Variants in GRIP1 observed in about 807,000 individuals in gnomAD.
GRIP1 encodes glutamate receptor-interacting protein 1.
In GRIP1, 45 loss-of-function variants were observed where a neutral mutation model predicts 129.9. The observed-to-expected ratio is 0.35, with a 90% CI of 0.27 to 0.44. The LOEUF is 0.44. Among genes scored for constraint, GRIP1 ranks in the 20% least tolerant of loss-of-function variants. The probability of loss-of-function intolerance (pLI) is 1.00; values close to 1 mark genes in which losing one functional copy is unlikely to be tolerated. For synonymous variants in GRIP1, 530 were observed against 520.8 expected (o/e 1.02, Z -0.24); for missense variants, 1,196 against 1,396.8 (o/e 0.86, Z 2.29).
intron 1 of GRIP1, among the ~76,000 whole-genome samples, chr12:66,814,042 A>T (rs1396146618): frequency 6.6e-6 from 1 of 152,170 alleles, no homozygotes; most frequent in Non-Finnish European, 1.5e-5. Context: ...GTGGAGATAC[A>T]GGTTTAAGGG....
chr12:66,366,983 C>T (rs1228620831), intron 23 of GRIP1, among the ~76,000 whole-genome samples: 2 of 152,150 alleles, frequency 1.3e-5, no homozygotes, highest in East Asian at 3.8e-4. Flanking sequence ...TGTGCCCAGC[C>T]TCAATATGAA....
intron 1 of GRIP1, among the ~76,000 whole-genome samples, chr12:67,060,950 C>G (rs1420543147): frequency 2.6e-5 from 4 of 152,042 alleles, no homozygotes; most frequent in Non-Finnish European, 5.9e-5. Context: ...TTGTCAGAAG[C>G]CTGGACTGAA....
intron 1 of GRIP1, among the ~76,000 whole-genome samples, chr12:66,820,687 C>T (rs2039301193): frequency 6.6e-6 from 1 of 151,804 alleles, no homozygotes; most frequent in African/African-American, 2.4e-5. Flanking sequence ...AAAAAATGAG[C>T]TACCAAGCCA....
chr12:67,043,609 C>T (rs976170937), intron 1 of GRIP1, among the ~76,000 whole-genome samples: 1 of 152,114 alleles, frequency 6.6e-6, no homozygotes, highest in Non-Finnish European at 1.5e-5. Flanking sequence ...TTCTTCTACG[C>T]CCCCCATTCT....
chr12:66,655,157 C>G (rs896585715), intron 1 of GRIP1, among the ~76,000 whole-genome samples: 1 of 152,186 alleles, frequency 6.6e-6, no homozygotes, highest in Non-Finnish European at 1.5e-5. Flanking sequence ...TATCCCTCCA[C>G]GTTCCCCCAA....
intron 2 of GRIP1, among the ~76,000 whole-genome samples, chr12:66,545,203 A>C (rs2061911349): frequency 6.6e-6 from 1 of 152,192 alleles, no homozygotes; most frequent in African/African-American, 2.4e-5. Flanking sequence ...TTACAGCTAT[A>C]CCATTACTTA....
At chr12:66,626,483 T>C (rs1214120252) in intron 1 of GRIP1, 2 of 152,240 alleles carry the variant, frequency 1.3e-5, no homozygotes, top group Non-Finnish European at 2.9e-5. Flanking sequence ...AATAGTATAG[T>C]ATTTCTCTAG....
chr12:66,535,246 C>T (rs768087726), intron 4 of GRIP1, among the ~76,000 whole-genome samples: 1 of 151,828 alleles, frequency 6.6e-6, no homozygotes, highest in Non-Finnish European at 1.5e-5. Flanking sequence ...ATTCATATCC[C>T]CAGAGGAATA....
intron 1 of GRIP1, among the ~76,000 whole-genome samples, chr12:66,882,704 T>C (rs2040500052): frequency 6.6e-6 from 1 of 152,212 alleles, no homozygotes; most frequent in African/African-American, 2.4e-5. Flanking sequence ...CCAAATATTA[T>C]AAGCATTAAT....
intron 1 of GRIP1, among the ~76,000 whole-genome samples, chr12:66,607,088 A>G (rs1191654067): frequency 1.3e-5 from 2 of 152,134 alleles, no homozygotes; most frequent in Non-Finnish European, 2.9e-5. Context: ...CATAGTAGCC[A>G]CTACTGTGTA....
intron 1 of GRIP1, among the ~76,000 whole-genome samples, chr12:66,604,633 T>G (rs190513733): frequency 6.6e-6 from 1 of 152,370 alleles, no homozygotes; most frequent in African/African-American, 2.4e-5. Flanking sequence ...TTATGCCAGC[T>G]GACATTTTCA....
intron 13 of GRIP1, among the ~76,000 whole-genome samples, chr12:66,434,019 CCCTT>C (rs1479536978): frequency 6.6e-6 from 1 of 152,180 alleles, no homozygotes; most frequent in East Asian, 1.9e-4. Context: ...AGAGAGGACT[CCCTT>C]CTTTGTTTGG....
intron 7 of GRIP1, among the ~76,000 whole-genome samples, chr12:66,486,410 C>T (rs1650142950): frequency 6.6e-6 from 1 of 152,072 alleles, no homozygotes; most frequent in African/African-American, 2.4e-5. Flanking sequence ...GGCTCTGTGT[C>T]CCCACCCAAA....
At chr12:66,838,204 T>A (rs867112492) in intron 1 of GRIP1, among the ~76,000 whole-genome samples, 5 of 110,112 alleles carry the variant, frequency 4.5e-5, no homozygotes, top group East Asian at 3.4e-4. Context: ...AAAAAAAAAA[T>A]CGAGCAGGAG....
At chr12:66,630,654 G>A (rs1434475945) in intron 1 of GRIP1, among the ~76,000 whole-genome samples, 3 of 152,170 alleles carry the variant, frequency 2.0e-5, no homozygotes, top group African/African-American at 7.2e-5. Context: ...CTGTCTATGA[G>A]GGCATGGACA....
intron 1 of GRIP1, among the ~76,000 whole-genome samples, chr12:66,785,059 C>T (rs564271820): frequency 2.6e-5 from 4 of 152,082 alleles, no homozygotes; most frequent in African/African-American, 7.2e-5. Flanking sequence ...ACTCCACTGA[C>T]TTGTACTGAA....
At chr12:66,661,938 A>G (rs1311408344) in intron 1 of GRIP1, among the ~76,000 whole-genome samples, 1 of 152,152 alleles carries the variant, frequency 6.6e-6, no homozygotes, top group Non-Finnish European at 1.5e-5. Context: ...TTGGCCAGAA[A>G]TGATTTATAT....
chr12:66,608,164 A>G (rs1417488563), intron 1 of GRIP1, among the ~76,000 whole-genome samples: 3 of 152,158 alleles, frequency 2.0e-5, no homozygotes, highest in African/African-American at 7.2e-5. Flanking sequence ...CAAACAGATG[A>G]CATGTGTTTT....
chr12:67,038,195 A>G (rs2043126841), intron 1 of GRIP1, among the ~76,000 whole-genome samples: 1 of 152,196 alleles, frequency 6.6e-6, no homozygotes, highest in African/African-American at 2.4e-5. Context: ...TAGAAGGCAG[A>G]CAATGGAGAA....
Sources: allele counts gnomAD v4.1 joint callset (sites outside exome capture counted in the v4.1 genomes callset), GRCh38; gene constraint gnomAD v4.1.1; transcripts MANE v1.5; gene names NCBI Gene and HGNC (gene_info 2026-07-23, HGNC 2026-07-21).